The following STXBP6 variants were observed in gnomAD, a reference collection of about 807,000 sequenced individuals.
STXBP6 encodes the protein syntaxin-binding protein 6.
Under a neutral mutation model 26.9 loss-of-function variants are expected in STXBP6, and 21 were observed. That is an observed-to-expected ratio of 0.78 (90% CI 0.55 to 1.12). The LOEUF is 1.12. Ranked by LOEUF, STXBP6 falls within the 50% of genes most tolerant of loss-of-function variation. STXBP6 has a pLI of 0.00. For synonymous variants in STXBP6, 97 were observed against 92.6 expected (o/e 1.05, Z -0.27); for missense variants, 232 against 257.9 (o/e 0.90, Z 0.69).
intron 2 of STXBP6, among the ~76,000 whole-genome samples, chr14:24,934,432 C>T (rs887245259): frequency 8.5e-5 from 13 of 152,262 alleles, no homozygotes; most frequent in Non-Finnish European, 1.3e-4. Flanking sequence ...TTGCACACAA[C>T]ATTCTTGTTC....
chr14:25,005,692 T>C (rs968259385), intron 1 of STXBP6, among the ~76,000 whole-genome samples: 1 of 151,770 alleles, frequency 6.6e-6, no homozygotes, highest in Non-Finnish European at 1.5e-5. Context: ...TCGAACTCTC[T>C]AAAAGTCTCT....
intron 4 of STXBP6, among the ~76,000 whole-genome samples, chr14:24,846,933 A>G (rs754111206): frequency 9.9e-5 from 15 of 152,180 alleles, no homozygotes; most frequent in Non-Finnish European, 1.8e-4. Flanking sequence ...CCCCTTCACT[A>G]AAGGTTTTAG....
At chr14:24,858,818 A>T (rs1175149957) in intron 2 of STXBP6, among the ~76,000 whole-genome samples, 1 of 152,154 alleles carries the variant, frequency 6.6e-6, no homozygotes, top group African/African-American at 2.4e-5. Flanking sequence ...AGGTCTTAAA[A>T]TGTGCTTAAA....
In STXBP6 at chr14:24,986,341, T is replaced by G. The variant is rs141527918; in HGVS notation, c.-32-11491A>C. Among the ~76,000 whole-genome samples the G allele has an allele frequency of 2.1e-4, 32 of 152,248 alleles. No individual in the cohort carries two copies. The East Asian group carries it at 6.0e-3, about 29-fold the overall frequency. ...GATAGTCCAAGAAGCACAGACTAAC[T>G]CTGGCCAAGCTCCAACCCACAGGCC... On this transcript the variant is annotated intron_variant, in intron 1 of 5. Coordinates refer to ENST00000323944, the MANE Select transcript of STXBP6 (RefSeq NM_001394410.1).
At chr14:24,836,213 G>T (rs968816008) in intron 4 of STXBP6, among the ~76,000 whole-genome samples, 4 of 152,206 alleles carry the variant, frequency 2.6e-5, no homozygotes, top group Non-Finnish European at 5.9e-5. Flanking sequence ...AGTACAGAAA[G>T]AGACTTTGTA....
At chr14:24,884,564 C>A (rs1241639) in intron 2 of STXBP6, among the ~76,000 whole-genome samples, 81,486 of 151,692 alleles carry the variant, frequency 0.54, 22,860 homozygotes, top group African/African-American at 0.7. Context: ...GTGAACCAAC[C>A]GTCAGTGCAA....
intron 2 of STXBP6, among the ~76,000 whole-genome samples, chr14:24,931,092 T>C (rs1595134019): frequency 9.5e-6 from 1 of 104,898 alleles, no homozygotes; most frequent in African/African-American, 3.9e-5. Context: ...CAGTCCGGCC[T>C]GGGCGACAGA....
intron 1 of STXBP6, among the ~76,000 whole-genome samples, chr14:24,986,204 A>T: frequency 6.6e-6 from 1 of 152,218 alleles, no homozygotes; most frequent in Non-Finnish European, 1.5e-5. Flanking sequence ...ATAGAGTTCT[A>T]AACCTTAACT....
chr14:24,813,916 C>T (rs917231541), intron 5 of STXBP6, among the ~76,000 whole-genome samples: 2 of 152,200 alleles, frequency 1.3e-5, no homozygotes, highest in African/African-American at 2.4e-5. Flanking sequence ...ACACTCACAA[C>T]AAGTGTCCCC....
intron 1 of STXBP6, among the ~76,000 whole-genome samples, chr14:24,985,630 C>G (rs1329929455): frequency 6.6e-6 from 1 of 152,196 alleles, no homozygotes; most frequent in East Asian, 1.9e-4. Flanking sequence ...CAGCAATGCC[C>G]TGAGTTTCAC....
At chr14:24,947,554 A>G (rs1269034091) in intron 2 of STXBP6, among the ~76,000 whole-genome samples, 2 of 152,214 alleles carry the variant, frequency 1.3e-5, no homozygotes, top group Non-Finnish European at 2.9e-5. Flanking sequence ...AGTATCATTC[A>G]CGCATCAGTT....
At chr14:24,899,633 T>C (rs996835091) in intron 2 of STXBP6, among the ~76,000 whole-genome samples, 1 of 151,838 alleles carries the variant, frequency 6.6e-6, no homozygotes, top group Admixed American at 6.6e-5. Flanking sequence ...ATACAAAAAT[T>C]AGCTGGGTGT....
At chr14:24,848,478 C>A (rs2069038226) in intron 4 of STXBP6, among the ~76,000 whole-genome samples, 1 of 152,084 alleles carries the variant, frequency 6.6e-6, no homozygotes, top group African/African-American at 2.4e-5. Context: ...ATGGCATAGA[C>A]AAAACATGTT....
chr14:24,854,443 T>C (rs2069256646), intron 4 of STXBP6, among the ~76,000 whole-genome samples: 1 of 152,104 alleles, frequency 6.6e-6, no homozygotes. Context: ...TGTCACATTA[T>C]TTTGAGAAGA....
intron 2 of STXBP6, among the ~76,000 whole-genome samples, chr14:24,871,362 G>C (rs2069929373): frequency 6.6e-6 from 1 of 152,204 alleles, no homozygotes; most frequent in African/African-American, 2.4e-5. Context: ...GTTGTTGGAA[G>C]TAGGAAGATG....
intron 2 of STXBP6, among the ~76,000 whole-genome samples, chr14:24,879,421 T>C (rs544516979): frequency 2.6e-5 from 4 of 152,320 alleles, no homozygotes; most frequent in African/African-American, 4.8e-5. Flanking sequence ...AAACACTTAG[T>C]ATCAAGATAT....
At chr14:24,980,235 T>C (rs2074151427) in intron 1 of STXBP6, among the ~76,000 whole-genome samples, 1 of 152,218 alleles carries the variant, frequency 6.6e-6, no homozygotes, top group African/African-American at 2.4e-5. Context: ...ATTTTATTTT[T>C]TCTGATGTCA....
chr14:25,025,716 C>T (rs1387508858), intron 1 of STXBP6, among the ~76,000 whole-genome samples: 2 of 152,170 alleles, frequency 1.3e-5, no homozygotes, highest in Non-Finnish European at 2.9e-5. Context: ...GCACTACACA[C>T]TGTTAAGTAT....
At chr14:24,934,913 C>T (rs2072543208) in intron 2 of STXBP6, among the ~76,000 whole-genome samples, 1 of 151,992 alleles carries the variant, frequency 6.6e-6, no homozygotes, top group Non-Finnish European at 1.5e-5. Context: ...GATATTAATA[C>T]TCTTTTTAAA....
Sources: allele counts gnomAD v4.1 joint callset (sites outside exome capture counted in the v4.1 genomes callset), GRCh38; gene constraint gnomAD v4.1.1; transcripts MANE v1.5; gene names NCBI Gene and HGNC (gene_info 2026-07-23, HGNC 2026-07-21).